The following MTREX variants were observed in gnomAD, a reference collection of about 807,000 sequenced individuals.
MTREX encodes Mtr4 exosome RNA helicase, also known as exosome RNA helicase MTR4.
MTREX carries 76 observed loss-of-function variants against 135.4 expected under a neutral mutation model. The observed-to-expected ratio is 0.56, with a 90% CI of 0.47 to 0.68. The LOEUF (loss-of-function observed/expected upper bound fraction) is 0.68. MTREX is among the 30% of genes least tolerant of loss of function. The pLI is 0.00. For synonymous variants in MTREX, 404 were observed against 401.6 expected, an observed-to-expected ratio of 1.01 and a Z score of -0.07; for missense variants, 920 against 1,262.1, an observed-to-expected ratio of 0.73 and a Z score of 4.11.
intron 1 of MTREX, among the ~76,000 whole-genome samples, chr5:55,312,486 C>T (rs1477515292): frequency 2.0e-5 from 3 of 151,932 alleles, no homozygotes; most frequent in South Asian, 2.1e-4. Context: ...ACATTTCCAT[C>T]ACCCTCAGGA....
At chr5:55,421,836 TG>T (rs1411795670) in intron 25 of MTREX, among the ~76,000 whole-genome samples, 3 of 152,342 alleles carry the variant, frequency 2.0e-5, no homozygotes, top group Admixed American at 6.5e-5. Flanking sequence ...TAATTATCTT[TG>T]GATATACTTG....
Position 55,425,059 on chromosome 5 carries a change from A to G in MTREX, c.*287A>G. On this transcript the variant is annotated 3_prime_UTR_variant, in exon 27 of 27. Coordinates refer to ENST00000230640, the MANE Select transcript of MTREX (RefSeq NM_015360.5). ...ACCACTGAGTTAAAGGTAACTATGT[A>G]CACACAAAGTGTGCATCCAAGAGGC... 2 of 1,087,418 alleles carry G rather than the reference A, an allele frequency of 1.8e-6. No homozygotes were observed. Among genetic ancestry groups the G allele is most frequent in the Non-Finnish European group, 2.6e-6 (2 of 757,718 alleles). 67.4% of individuals were successfully genotyped at this position (1,087,418 alleles called of 1,614,324 possible).
In MTREX at chr5:55,339,830, G is replaced by A. The variant is rs199788410; in HGVS notation, c.516-180G>A. On this transcript the variant is annotated intron_variant, in intron 5 of 26. Transcript: ENST00000230640. ...AGTGACCGGAGTTAAAATGATTTTAGATCACTCTATTTCATATTTATTATA... is the reference window on the plus strand; with the variant it reads ...AGTGACCGGAGTTAAAATGATTTTAAATCACTCTATTTCATATTTATTATA... Among the ~76,000 whole-genome samples, 3 of 152,094 alleles carry A rather than the reference G, an allele frequency of 2.0e-5. No individual in the cohort carries two copies. The East Asian group carries it at 5.8e-4, about 29-fold the overall frequency.
intron 22 of MTREX, among the ~76,000 whole-genome samples, chr5:55,410,069 A>T (rs1443559758): frequency 2.0e-5 from 3 of 152,154 alleles, no homozygotes; most frequent in Non-Finnish European, 4.4e-5. Context: ...TAAAAACTTT[A>T]AAAAATTAAA....
intron 19 of MTREX, among the ~76,000 whole-genome samples, chr5:55,394,912 A>C (rs1750624543): frequency 6.6e-6 from 1 of 152,010 alleles, no homozygotes; most frequent in Non-Finnish European, 1.5e-5. Context: ...AGGTGCCTGT[A>C]GTCCCAGCTA....
intron 15 of MTREX, among the ~76,000 whole-genome samples, chr5:55,365,723 C>T (rs1028668246): frequency 6.6e-6 from 1 of 152,072 alleles, no homozygotes; most frequent in Non-Finnish European, 1.5e-5. Context: ...GGCCCGGGCG[C>T]GGTGGCTCAT....
chr5:55,346,843 C>G (rs760119047), intron 10 of MTREX, among the ~76,000 whole-genome samples, 170 bp from the exon 11 acceptor site: 8 of 151,896 alleles, frequency 5.3e-5, no homozygotes, highest in Admixed American at 4.6e-4. Context: ...CATTTTTTTC[C>G]TTATGTTGTT....
At chr5:55,331,200 A>G (rs971289979) in intron 5 of MTREX, among the ~76,000 whole-genome samples, 1 of 152,086 alleles carries the variant, frequency 6.6e-6, no homozygotes, top group Non-Finnish European at 1.5e-5. Context: ...AAAAATTTTC[A>G]TTACAGACTG....
chr5:55,395,496 C>T (rs1036048157), intron 19 of MTREX, among the ~76,000 whole-genome samples: 4 of 152,124 alleles, frequency 2.6e-5, no homozygotes, highest in African/African-American at 9.7e-5. Flanking sequence ...CAAGAATCAT[C>T]CGTGGATGCT....
At chr5:55,359,207 T>C (rs1258945104) in intron 15 of MTREX, among the ~76,000 whole-genome samples, 4 of 152,234 alleles carry the variant, frequency 2.6e-5, no homozygotes, top group Admixed American at 2.6e-4. Context: ...ATTAGACTTT[T>C]ATTTTGCTTG....
Position 55,344,533 on chromosome 5 carries a change from T to G in MTREX, c.918T>G (p.Val306=). The G allele has an allele frequency of 6.2e-7, 1 of 1,607,552 alleles. No individual in the cohort carries two copies. Among genetic ancestry groups the G allele is most frequent in the Non-Finnish European group, 8.5e-7 (1 of 1,174,508 alleles). ...ICHLHKQPCH[V]IYTDYRPTPL... ...CTTTCTTTTTACAGCCTTGTCATGT[T>G]ATTTACACAGATTATCGGCCCACTC... is the stretch of plus-strand genomic sequence containing the variant. Residue 306 remains valine (V), a synonymous_variant, in exon 9 of 27, where the codon GTT becomes GTG. Transcript: ENST00000230640.
chr5:55,328,558 T>C (rs1430539673), intron 4 of MTREX, 141 bp from the exon 5 acceptor site: 2 of 539,434 alleles, frequency 3.7e-6, no homozygotes, highest in Admixed American at 6.8e-5. Flanking sequence ...TTTTCACTAA[T>C]GTGTAGTATA....
chr5:55,377,503 C>T (rs1321705026), intron 16 of MTREX, among the ~76,000 whole-genome samples: 1 of 152,110 alleles, frequency 6.6e-6, no homozygotes, highest in Admixed American at 6.5e-5. Flanking sequence ...ACTTTTAAAA[C>T]CAGGCAAGAT....
chr5:55,353,145 T>G (rs1172449825), intron 13 of MTREX, 23 bp from the exon 14 acceptor site: 1 of 1,481,944 alleles, frequency 6.7e-7, no homozygotes, highest in Non-Finnish European at 9.1e-7. Flanking sequence ...CATGTTTAAT[T>G]ATAGAATTAC....
rs1750874443 is a variant in MTREX at position 55,410,773 on chromosome 5, T to G, written c.2751+144T>G. On this transcript the variant is annotated intron_variant, in intron 23 of 26. Transcript: ENST00000230640. ...GAAATCACAGCAACTTTAACACAAA[T>G]GTACTAAGAAAATTAAATGATTAAA... is the stretch of plus-strand genomic sequence containing the variant. 1.3e-5 allele frequency: 6 copies of G among 474,058 alleles called. No homozygotes were observed. In the South Asian group the frequency reaches 2.7e-4, roughly 21 times the overall value. The allele number at this position is 474,058 out of a possible 1,614,324, so 29.4% of individuals were successfully genotyped here.
At chr5:55,338,965 A>G (rs1469577460) in intron 5 of MTREX, among the ~76,000 whole-genome samples, 1 of 151,382 alleles carries the variant, frequency 6.6e-6, no homozygotes, top group Non-Finnish European at 1.5e-5. Flanking sequence ...TAATTTTTGT[A>G]TTTTTAGTAG....
chr5:55,328,598 C>A, intron 4 of MTREX, 101 bp from the exon 5 acceptor site: 1 of 719,472 alleles, frequency 1.4e-6, no homozygotes, highest in Non-Finnish European at 2.4e-6. Context: ...AAGGAATACT[C>A]CCAGAATGCT....
At chr5:55,390,292 TG>T in intron 19 of MTREX, among the ~76,000 whole-genome samples, 1 of 152,046 alleles carries the variant, frequency 6.6e-6, no homozygotes, top group East Asian at 1.9e-4. Flanking sequence ...TACTAGAGAC[TG>T]GGTTTCACCA....
chr5:55,406,972 A>T (rs556554025), intron 22 of MTREX, among the ~76,000 whole-genome samples: 9 of 152,200 alleles, frequency 5.9e-5, no homozygotes, highest in Non-Finnish European at 1.3e-4. Context: ...TTAACTGGAA[A>T]GTCATAAACT....
Sources: allele counts gnomAD v4.1 joint callset (sites outside exome capture counted in the v4.1 genomes callset), GRCh38; gene constraint gnomAD v4.1.1; transcripts MANE v1.5; gene names NCBI Gene and HGNC (gene_info 2026-07-23, HGNC 2026-07-21).